DIP2B: variants seen among roughly 807,000 people sequenced by gnomAD.
DIP2B encodes the protein disco-interacting protein 2 homolog B.
Under a neutral mutation model 198.0 loss-of-function variants are expected in DIP2B, and 76 were observed. The observed-to-expected ratio is 0.38, with a 90% CI of 0.32 to 0.46. The LOEUF (loss-of-function observed/expected upper bound fraction) is 0.46. DIP2B is among the 20% of genes least tolerant of loss of function. The pLI, the probability that DIP2B is intolerant of heterozygous loss-of-function variation, is 0.99. For missense variants in DIP2B, 1,559 were observed against 1,978.4 expected, an observed-to-expected ratio of 0.79 and a Z score of 4.02; for synonymous variants, 701 against 739.1, an observed-to-expected ratio of 0.95 and a Z score of 0.84.
At chr12:50,576,868 A>AT (rs1463093756) in intron 1 of DIP2B, among the ~76,000 whole-genome samples, 113 of 148,830 alleles carry the variant, frequency 7.6e-4, no homozygotes, top group African/African-American at 2.7e-3. Context: ...CCTTGTTATT[A>AT]TTATTTTTTT....
intron 18 of DIP2B, 66 bp downstream of exon 18, chr12:50,698,533 TAAAATACAGAATCCCAAA>T: frequency 6.4e-7 from 1 of 1,552,164 alleles, no homozygotes; most frequent in Non-Finnish European, 8.7e-7. Flanking sequence ...TAGAGCCTGA[TAAAATACAGAATCCCAAA>T]CGAGGAACCC....
At chr12:50,613,736 C>T (rs544120835) in intron 1 of DIP2B, among the ~76,000 whole-genome samples, 1 of 152,274 alleles carries the variant, frequency 6.6e-6, no homozygotes, top group East Asian at 1.9e-4. Flanking sequence ...CATTCCCAGC[C>T]CATGTTGAGA....
chr12:50,723,403 C>G, intron 27 of DIP2B, 80 bp downstream of exon 27: 2 of 1,571,912 alleles, frequency 1.3e-6, no homozygotes, highest in Non-Finnish European at 1.7e-6. Flanking sequence ...ACTAATTTTC[C>G]AATTTTGTTA....
chr12:50,612,884 C>T (rs1482271091), intron 1 of DIP2B, among the ~76,000 whole-genome samples: 1 of 152,146 alleles, frequency 6.6e-6, no homozygotes, highest in African/African-American at 2.4e-5. Flanking sequence ...TCCTGTTACA[C>T]CCCAGCTCTA....
intron 15 of DIP2B, 129 bp from the exon 16 acceptor site, chr12:50,695,719 G>A: frequency 7.5e-7 from 1 of 1,329,288 alleles, no homozygotes. Context: ...CAATCTCTTT[G>A]AAACCGTTTT....
At chr12:50,574,251 AAACC>A (rs2139411075) in intron 1 of DIP2B, among the ~76,000 whole-genome samples, 1 of 152,354 alleles carries the variant, frequency 6.6e-6, no homozygotes, top group East Asian at 1.9e-4. Flanking sequence ...TTGTTTAGTT[AAACC>A]TGATTTTATG....
At chr12:50,564,075 C>A (rs1253283420) in intron 1 of DIP2B, among the ~76,000 whole-genome samples, 2 of 151,866 alleles carry the variant, frequency 1.3e-5, no homozygotes, top group South Asian at 4.2e-4. Context: ...GGTAAGTATC[C>A]CTATATTTGT....
intron 2 of DIP2B, among the ~76,000 whole-genome samples, chr12:50,639,936 A>G (rs1414487875): frequency 6.6e-6 from 1 of 152,220 alleles, no homozygotes; most frequent in African/African-American, 2.4e-5. Flanking sequence ...TATAGGGAGC[A>G]GGAAATGAGG....
At chr12:50,563,136 T>C (rs977751432) in intron 1 of DIP2B, among the ~76,000 whole-genome samples, 7 of 152,204 alleles carry the variant, frequency 4.6e-5, no homozygotes, top group African/African-American at 1.4e-4. Context: ...CTGCTGGTTA[T>C]CTATTTCCAA....
chr12:50,591,964 G>GC (rs1171126829), intron 1 of DIP2B, among the ~76,000 whole-genome samples: 1 of 149,252 alleles, frequency 6.7e-6, no homozygotes, highest in Middle Eastern at 3.2e-3. Flanking sequence ...TGTAACCTCT[G>GC]CCTCCCGGGT....
At chr12:50,509,584 T>A (rs76642561) in intron 1 of DIP2B, among the ~76,000 whole-genome samples, 1,956 of 152,342 alleles carry the variant, frequency 0.013, 47 homozygotes, top group African/African-American at 0.045. Flanking sequence ...CCTTAAAGCA[T>A]GGCACAGGGT....
chr12:50,631,309 C>T (rs748519073), intron 2 of DIP2B, among the ~76,000 whole-genome samples: 10 of 152,028 alleles, frequency 6.6e-5, no homozygotes, highest in African/African-American at 9.7e-5. Flanking sequence ...TCACTGCAAC[C>T]TCTACCTCCT....
At chr12:50,555,214 C>G (rs759563557) in intron 1 of DIP2B, among the ~76,000 whole-genome samples, 4 of 152,178 alleles carry the variant, frequency 2.6e-5, no homozygotes, top group Non-Finnish European at 5.9e-5. Flanking sequence ...CATTCATTCT[C>G]TTGGCTTCCT....
rs1264117764 is a variant in DIP2B at position 50,724,760 on chromosome 12, C to T, written c.3289-15C>T. 1 of 1,612,656 alleles carries T rather than the reference C, an allele frequency of 6.2e-7. No homozygotes were observed. The highest frequency in any genetic ancestry group is 2.2e-5 in the East Asian group (1 of 44,866). Reference sequence around the variant, plus strand: ...TGAGCCTCCTGATGCTTATTGCTGTCCATTTGTTTTCTAGGTCAGCAAAGC... The same window carrying T: ...TGAGCCTCCTGATGCTTATTGCTGTTCATTTGTTTTCTAGGTCAGCAAAGC... On this transcript the variant is annotated splice_polypyrimidine_tract_variant and intron_variant, in intron 27 of 37. Transcript: ENST00000301180.
chr12:50,596,923 ATTTAC>A (rs1481496827), intron 1 of DIP2B, among the ~76,000 whole-genome samples: 1 of 152,166 alleles, frequency 6.6e-6, no homozygotes, highest in African/African-American at 2.4e-5. Flanking sequence ...AATCATTAGT[ATTTAC>A]TTTAAATGTA....
At chr12:50,680,519 A>C (rs1355892702) in intron 8 of DIP2B, among the ~76,000 whole-genome samples, 153 bp from the exon 9 acceptor site, 6 of 152,124 alleles carry the variant, frequency 3.9e-5, no homozygotes, top group African/African-American at 1.4e-4. Context: ...GGGGAGGCCT[A>C]CTGTGTGTTG....
chr12:50,592,834 G>A (rs1370919005), intron 1 of DIP2B, among the ~76,000 whole-genome samples: 1 of 152,018 alleles, frequency 6.6e-6, no homozygotes, highest in African/African-American at 2.4e-5. Context: ...TTATAAGATC[G>A]TGCACCTGAA....
At chr12:50,563,329 G>A (rs1296027898) in intron 1 of DIP2B, among the ~76,000 whole-genome samples, 2 of 152,046 alleles carry the variant, frequency 1.3e-5, no homozygotes, top group African/African-American at 2.4e-5. Context: ...TAGATCTATA[G>A]GTGCATGCCA....
At position 50,728,346 on chromosome 12, in the gene DIP2B, T is replaced by TA. The variant is rs888341228; in HGVS notation, c.3511-188dup. ...TGGGCAACAGGAGTGAAACTCCATC[T>TA]AAAAAAAAAAAAAATTCATTATTAA... On this transcript the variant is annotated intron_variant, in intron 29 of 37. Coordinates refer to ENST00000301180, the MANE Select transcript of DIP2B (RefSeq NM_173602.3). Among the ~76,000 whole-genome samples the TA allele has an allele frequency of 2.4e-3, 344 of 143,732 alleles. 5 individuals are homozygous for TA. The East Asian group carries it at 0.051, about 21-fold the overall frequency. 94.3% of individuals were successfully genotyped at this position (143,732 alleles called of 152,430 possible). A position where few individuals can be genotyped will look rare whatever the true frequency, so the allele number is the denominator to read the frequency against.
Sources: gnomAD v4.1 joint callset for allele counts (sites outside exome capture counted in the v4.1 genomes callset) on GRCh38, gnomAD v4.1.1 for gene constraint, MANE v1.5 for transcripts, NCBI Gene and HGNC (gene_info 2026-07-23, HGNC 2026-07-21) for gene names.